Variants in CFAP57 observed in about 807,000 individuals in gnomAD.
The protein encoded by CFAP57 is cilia and flagella associated protein 57.
CFAP57 carries 116 observed loss-of-function variants against 146.8 expected under a neutral mutation model. That is an observed-to-expected ratio of 0.79 (90% CI 0.68 to 0.92). The LOEUF (loss-of-function observed/expected upper bound fraction) is 0.92. Among genes scored for constraint, CFAP57 ranks in the 40% least tolerant of loss-of-function variants. CFAP57 has a pLI of 0.00. For missense variants in CFAP57, 1,377 were observed against 1,527.2 expected (o/e 0.90, Z 1.64); for synonymous variants, 518 against 552.8 (o/e 0.94, Z 0.88).
At position 43,183,572 on chromosome 1, in the gene CFAP57, A is replaced by T; in HGVS notation, c.475-19A>T. On this transcript the variant is annotated intron_variant, in intron 3 of 22. Coordinates refer to ENST00000372492, the MANE Select transcript of CFAP57 (RefSeq NM_001378189.1). ...ATAGTTTCATAAATTTTTTTCTTCAATTCTCTCACATTTTACAGGTGAGCT... is the reference window on the plus strand; with the variant it reads ...ATAGTTTCATAAATTTTTTTCTTCATTTCTCTCACATTTTACAGGTGAGCT... 1 of 1,612,788 alleles carries T rather than the reference A, an allele frequency of 6.2e-7. No homozygotes were observed. Among genetic ancestry groups the T allele is most frequent in the South Asian group, 1.1e-5 (1 of 90,956 alleles).
At chr1:43,214,327 T>C (rs1209668669) in intron 11 of CFAP57, among the ~76,000 whole-genome samples, 1 of 152,266 alleles carries the variant, frequency 6.6e-6, no homozygotes, top group Non-Finnish European at 1.5e-5. Context: ...AGGTCGTCTC[T>C]TCAGTCTGTT....
At position 43,201,873 on chromosome 1, in the gene CFAP57, C is replaced by T. The variant is rs779893348; in HGVS notation, c.1542+2370C>T. Among the ~76,000 whole-genome samples, 1 of 152,174 alleles carries T rather than the reference C, an allele frequency of 6.6e-6. No homozygotes were observed. The highest frequency in any genetic ancestry group is 1.5e-5 in the Non-Finnish European group (1 of 68,042). ...CAGGTGATCCACCCACCTCGGCCTC[C>T]CAAAGTCCTGGGATTACAGGCGTGA... On this transcript the variant is annotated intron_variant, in intron 9 of 22. Coordinates refer to ENST00000372492, the MANE Select transcript of CFAP57 (RefSeq NM_001378189.1). This position sits in a 1 kb window ranked among gnomAD's most constrained non-coding sequence, Gnocchi z 4.4.
At position 43,234,544 on chromosome 1, in the gene CFAP57, A is replaced by C; in HGVS notation, c.3311A>C (p.Gln1104Pro). 1 of 1,550,448 alleles carries C rather than the reference A, an allele frequency of 6.4e-7. No homozygotes were observed. The highest frequency in any genetic ancestry group is 8.7e-7 in the Non-Finnish European group (1 of 1,146,928). ...GACCTGCAGCAGGAGTACACCCGGCAGCGGGAGCACCTGGAGAGGAACCTG... is the reference window on the plus strand; with the variant it reads ...GACCTGCAGCAGGAGTACACCCGGCCGCGGGAGCACCTGGAGAGGAACCTG... ...NTDLQQEYTRQREHLERNLAT... is the reference protein window; with the variant it reads ...NTDLQQEYTRPREHLERNLAT... Residue 1104 changes from glutamine (Q) to proline (P), a missense_variant, in exon 21 of 23, where the codon CAG becomes CCG. By Grantham distance (76) the Gln-to-Pro change is moderately conservative (BLOSUM62 -1). Transcript: ENST00000372492.
At chr1:43,222,030 G>A in intron 14 of CFAP57, 75 bp from the exon 15 acceptor site, 1 of 1,323,452 alleles carries the variant, frequency 7.6e-7, no homozygotes, top group Non-Finnish European at 1.0e-6. Flanking sequence ...GGATGGGAGA[G>A]CGCCCAAGGC....
intron 22 of CFAP57, among the ~76,000 whole-genome samples, chr1:43,250,897 T>C (rs1402008824): frequency 6.6e-6 from 1 of 152,212 alleles, no homozygotes; most frequent in Non-Finnish European, 1.5e-5. Context: ...CACCTACAAA[T>C]GGAAATTCCT....
At chr1:43,218,722 AGGGACAGATT>A (rs1644931799) in intron 12 of CFAP57, among the ~76,000 whole-genome samples, 1 of 152,222 alleles carries the variant, frequency 6.6e-6, no homozygotes, top group Admixed American at 6.5e-5. Flanking sequence ...AGACATCAAG[AGGGACAGATT>A]GGCAGTACTG....
Position 43,186,737 on chromosome 1 carries a change from A to G in CFAP57, c.1000A>G (p.Ser334Gly). The G allele has an allele frequency of 6.2e-7, 1 of 1,614,202 alleles. No individual in the cohort carries two copies. The highest frequency in any genetic ancestry group is 1.1e-5 in the South Asian group (1 of 91,084). ...IPVDPQSNDP[S>G]QSDKQDVLCL... is the part of the protein sequence containing the mutation. ...TGTGGACCCGCAGAGCAATGATCCA[A>G]GTCAGTCTGACAAACAGGACGTTCT... The change falls in exon 6 of 23, where the codon AGT becomes GGT. Residue 334 changes from serine to glycine, a missense_variant. Physicochemically the swap from Ser to Gly is moderately conservative, Grantham distance 56. Transcript: ENST00000372492.
rs374570313 is a variant in CFAP57 at position 43,251,770 on chromosome 1, C to T, written c.3539-2207C>T. Among the ~76,000 whole-genome samples the T allele has an allele frequency of 1.5e-4, 23 of 152,260 alleles. No homozygotes were observed. The South Asian group carries it at 1.7e-3, about 11-fold the overall frequency. Reference sequence around the variant, plus strand: ...ACTCAAAATTAGGAGGATGAAAGGACGGGAATTTGCAGGGGCAGGGGAAGG... The same window carrying T: ...ACTCAAAATTAGGAGGATGAAAGGATGGGAATTTGCAGGGGCAGGGGAAGG... On this transcript the variant is annotated intron_variant, in intron 22 of 22. Coordinates refer to ENST00000372492, the MANE Select transcript of CFAP57 (RefSeq NM_001378189.1).
chr1:43,215,325 T>C lies in CFAP57; in HGVS notation c.2000T>C (p.Val667Ala). The C allele has an allele frequency of 1.3e-6, 2 of 1,551,308 alleles. No individual in the cohort carries two copies. Among genetic ancestry groups the C allele is most frequent in the Non-Finnish European group, 1.7e-6 (2 of 1,147,124 alleles). ...AEDGCLFTWK[V>A]FDKDGRGIKR... ...GATGGCTGCCTGTTCACCTGGAAGG[T>C]CTTTGATAAGGATGGCCGGGGAATC... Residue 667 changes from valine (V) to alanine (A), a missense_variant, in exon 12 of 23, where the codon GTC becomes GCC. Val to Ala is a moderately conservative substitution (Grantham distance 64). Transcript: ENST00000372492.
chr1:43,202,887 C>A (rs1253920501), intron 9 of CFAP57, among the ~76,000 whole-genome samples: 2 of 151,338 alleles, frequency 1.3e-5, no homozygotes, highest in African/African-American at 4.9e-5. Flanking sequence ...AAAATTGAAT[C>A]TGTAGGCTGG....
intron 18 of CFAP57, among the ~76,000 whole-genome samples, chr1:43,227,346 C>T (rs1156370108): frequency 2.0e-5 from 3 of 152,220 alleles, no homozygotes; most frequent in Non-Finnish European, 4.4e-5. Flanking sequence ...TAACTTGCCA[C>T]GGGACCTGGA....
chr1:43,229,890 C>T (rs1402319270), intron 18 of CFAP57, among the ~76,000 whole-genome samples: 1 of 152,106 alleles, frequency 6.6e-6, no homozygotes, highest in Non-Finnish European at 1.5e-5. Flanking sequence ...GCCAGAGGTC[C>T]CCTGGGGGGT....
chr1:43,219,567 A>C, intron 13 of CFAP57, 30 bp downstream of exon 13: 1 of 1,549,658 alleles, frequency 6.5e-7, no homozygotes, highest in Non-Finnish European at 8.7e-7. Flanking sequence ...CAACAAGCAC[A>C]AATAACAAGA....
rs779588072 is a variant in CFAP57, at chr1:43,181,736, A to G, written c.360A>G (p.Lys120=). The G allele has an allele frequency of 6.2e-7, 1 of 1,614,110 alleles. No homozygotes were observed. The highest frequency in any genetic ancestry group is 1.7e-5 in the Admixed American group (1 of 60,014). Residue 120 remains lysine (K), a synonymous_variant, in exon 3 of 23, where the codon AAA becomes AAG. Transcript: ENST00000372492. ...GCATGGCTTTTTCTCCAGACTCCAA[A>G]TACCTATTGGCTCAGACGTCACCTC... ...FISMAFSPDS[K]YLLAQTSPPE... is the part of the protein sequence containing the mutation.
chr1:43,228,315 G>C (rs1645335615), intron 18 of CFAP57, among the ~76,000 whole-genome samples: 1 of 152,208 alleles, frequency 6.6e-6, no homozygotes, highest in Non-Finnish European at 1.5e-5. Flanking sequence ...TCTTCCCCCA[G>C]ATCGCCACAT....
intron 11 of CFAP57, chr1:43,210,124 AC>A: frequency 1.2e-6 from 2 of 1,609,160 alleles, no homozygotes; most frequent in Non-Finnish European, 1.7e-6. Flanking sequence ...CATCAGAGAT[AC>A]ACCTAAAAAT....
chr1:43,228,577 A>AG (rs199766199), intron 18 of CFAP57, among the ~76,000 whole-genome samples: 5,696 of 148,506 alleles, frequency 0.038, 455 homozygotes, highest in Admixed American at 0.046. Context: ...GTCCAGGGCC[A>AG]GGGGGCCCAG....
chr1:43,199,264 C>A, intron 8 of CFAP57, 126 bp from the exon 9 acceptor site: 1 of 863,252 alleles, frequency 1.2e-6, no homozygotes, highest in Non-Finnish European at 2.0e-6. Context: ...TTTGCACCTT[C>A]CCCCCACTCC....
intron 17 of CFAP57, among the ~76,000 whole-genome samples, chr1:43,226,489 GC>G (rs1250485296): frequency 6.6e-6 from 1 of 152,204 alleles, no homozygotes; most frequent in Non-Finnish European, 1.5e-5. Flanking sequence ...CATAGCAGAT[GC>G]CCTCCCCCAA....
Sources: allele counts gnomAD v4.1 joint callset (sites outside exome capture counted in the v4.1 genomes callset), GRCh38; gene constraint gnomAD v4.1.1; non-coding constraint Gnocchi (gnomAD v3.1); transcripts MANE v1.5; gene names NCBI Gene and HGNC (gene_info 2026-07-23, HGNC 2026-07-21).